Variants in SNX13 observed in about 807,000 individuals in gnomAD.
The protein encoded by SNX13 is sorting nexin 13, also known as sorting nexin-13.
In SNX13, 45 loss-of-function variants were observed where a neutral mutation model predicts 133.6. The observed-to-expected ratio is 0.34, with a 90% CI of 0.27 to 0.43. The LOEUF is 0.43. Among genes scored for constraint, SNX13 ranks in the 20% least tolerant of loss-of-function variants. The probability of loss-of-function intolerance (pLI) is 1.00; values close to 1 mark genes in which losing one functional copy is unlikely to be tolerated. For synonymous variants in SNX13, 414 were observed against 373.9 expected, an observed-to-expected ratio of 1.11 and a Z score of -1.24; for missense variants, 1,032 against 1,145.1, an observed-to-expected ratio of 0.90 and a Z score of 1.43.
intron 11 of SNX13, among the ~76,000 whole-genome samples, chr7:17,848,912 A>G (rs1790876010): frequency 6.6e-6 from 1 of 152,146 alleles, no homozygotes; most frequent in South Asian, 2.1e-4. Flanking sequence ...CTCACTGGCT[A>G]TTTACTCTGT....
At chr7:17,911,307 G>A (rs1363171683) in intron 1 of SNX13, among the ~76,000 whole-genome samples, 1 of 152,090 alleles carries the variant, frequency 6.6e-6, no homozygotes, top group Non-Finnish European at 1.5e-5. Flanking sequence ...AGTACTTAAC[G>A]TTCTCAGCAA....
chr7:17,912,600 G>A (rs897200495), intron 1 of SNX13, among the ~76,000 whole-genome samples: 4 of 152,024 alleles, frequency 2.6e-5, no homozygotes, highest in South Asian at 2.1e-4. Flanking sequence ...TAGTAGAGAC[G>A]GGGTTTACAC....
intron 1 of SNX13, among the ~76,000 whole-genome samples, chr7:17,910,267 G>A (rs974452128): frequency 2.0e-5 from 3 of 152,118 alleles, no homozygotes; most frequent in Non-Finnish European, 4.4e-5. Flanking sequence ...ATTCACCTCA[G>A]TTTGAATGAA....
At chr7:17,919,231 C>T (rs1799873471) in intron 1 of SNX13, among the ~76,000 whole-genome samples, 1 of 152,136 alleles carries the variant, frequency 6.6e-6, no homozygotes, top group Non-Finnish European at 1.5e-5. Flanking sequence ...CATTTATCCC[C>T]TGAACTTAAA....
intron 1 of SNX13, among the ~76,000 whole-genome samples, chr7:17,932,563 G>C (rs1801512015): frequency 1.3e-5 from 2 of 152,216 alleles, no homozygotes; most frequent in South Asian, 4.1e-4. Context: ...GGCCTACTAA[G>C]TATCAAGCTC....
At chr7:17,892,443 TA>T (rs2127993844) in intron 3 of SNX13, among the ~76,000 whole-genome samples, 1 of 151,404 alleles carries the variant, frequency 6.6e-6, no homozygotes, top group Admixed American at 6.6e-5. Flanking sequence ...TGAAGTACAC[TA>T]TAAATAGCTA....
At chr7:17,886,495 G>A (rs1281085334) in intron 5 of SNX13, among the ~76,000 whole-genome samples, 2 of 151,930 alleles carry the variant, frequency 1.3e-5, no homozygotes, top group East Asian at 3.9e-4. Flanking sequence ...TTGAACCTGG[G>A]ATGCAGAGGT....
At chr7:17,866,778 A>C (rs925916968) in intron 9 of SNX13, among the ~76,000 whole-genome samples, 1 of 152,204 alleles carries the variant, frequency 6.6e-6, no homozygotes, top group African/African-American at 2.4e-5. Flanking sequence ...AAAGAGTAAG[A>C]TCTACCATTC....
intron 1 of SNX13, among the ~76,000 whole-genome samples, chr7:17,937,005 AAAAAT>A (rs796285866): frequency 2.1e-5 from 3 of 145,122 alleles, no homozygotes; most frequent in Admixed American, 6.9e-5. Flanking sequence ...TAACATTAAA[AAAAAT>A]AAAATAAAAT....
chr7:17,810,381 A>T (rs1562676487), intron 20 of SNX13, among the ~76,000 whole-genome samples: 1 of 152,168 alleles, frequency 6.6e-6, no homozygotes, highest in Non-Finnish European at 1.5e-5. Context: ...GAAACAGAAA[A>T]ATTCCTAGAC....
intron 1 of SNX13, among the ~76,000 whole-genome samples, chr7:17,917,479 C>T (rs528037473): frequency 6.6e-6 from 1 of 152,044 alleles, no homozygotes; most frequent in South Asian, 2.1e-4. Context: ...ATACAAAAAT[C>T]AATATTATTT....
chr7:17,886,000 G>A (rs1295596418), intron 5 of SNX13, among the ~76,000 whole-genome samples: 5 of 151,856 alleles, frequency 3.3e-5, no homozygotes, highest in Non-Finnish European at 7.4e-5. Flanking sequence ...AATATAAAAT[G>A]GTAAAACAAA....
At chr7:17,877,039 C>CT (rs72100600) in intron 5 of SNX13, among the ~76,000 whole-genome samples, 1 of 73,082 alleles carries the variant, frequency 1.4e-5, no homozygotes, top group Non-Finnish European at 2.5e-5. Flanking sequence ...ATTACTGTTA[C>CT]TTTTTGAAAA....
rs1794651814 is a variant in SNX13 at position 17,875,697 on chromosome 7, T to C, written c.534A>G (p.Lys178=). 6.2e-7 allele frequency: 1 copy of C among 1,611,236 alleles called. No individual in the cohort carries two copies. Among genetic ancestry groups the C allele is most frequent in the South Asian group, 1.1e-5 (1 of 90,768 alleles). Residue 178 remains lysine (K), a synonymous_variant, in exon 6 of 26, where the codon AAA becomes AAG. Coordinates refer to ENST00000428135, the MANE Select transcript of SNX13 (RefSeq NM_015132.5). The part of the protein sequence containing the change: ...HLRVFRKAQQ[K]ITEKDDQVKG... ...TCACTTGATCATCTTTCTCTGTTAT[T>C]TTCTGTTGAGCCTTTCTGAATACTC...
In SNX13 at chr7:17,851,720, G is replaced by A. The variant is rs560460676; in HGVS notation, c.838-756C>T. ...TTAAGAGATGCAGCATTTGCCGGGC[G>A]GGGGGGGCGGGGAGTCGGGGAGGCA... On this transcript the variant is annotated intron_variant, in intron 9 of 25. Coordinates refer to ENST00000428135, the MANE Select transcript of SNX13 (RefSeq NM_015132.5). 1.1e-3 allele frequency among the ~76,000 whole-genome samples: 169 copies of A among 150,826 alleles called. 1 individual carries two copies. The highest frequency in any genetic ancestry group is 3.2e-3 in the South Asian group (15 of 4,752).
rs568847317 is a variant in SNX13, at chr7:17,933,113, A to G, written c.12+7171T>C. Among the ~76,000 whole-genome samples, 22 of 152,366 alleles carry G rather than the reference A, an allele frequency of 1.4e-4. No homozygotes were observed. In the South Asian group the frequency reaches 4.3e-3, roughly 30 times the overall value. ...AAAAGCCTTATAAACATTATCCTTA[A>G]TAACAGCTTTTCAAGGATTTACCAA... On this transcript the variant is annotated intron_variant, in intron 1 of 25. Coordinates refer to ENST00000428135, the MANE Select transcript of SNX13 (RefSeq NM_015132.5).
intron 13 of SNX13, among the ~76,000 whole-genome samples, chr7:17,835,222 A>G (rs918114899): frequency 6.6e-6 from 1 of 151,894 alleles, no homozygotes; most frequent in African/African-American, 2.4e-5. Context: ...GATATATACC[A>G]TAGTGTCTGG....
intron 15 of SNX13, among the ~76,000 whole-genome samples, chr7:17,832,678 C>G (rs976261020): frequency 9.3e-5 from 14 of 151,304 alleles, no homozygotes; most frequent in African/African-American, 3.4e-4. Context: ...TTTTACCATT[C>G]AACTCAGAGA....
chr7:17,866,805 G>A (rs1793451523), intron 9 of SNX13, among the ~76,000 whole-genome samples: 1 of 152,102 alleles, frequency 6.6e-6, no homozygotes, highest in Non-Finnish European at 1.5e-5. Context: ...ACAACAGGGT[G>A]GCTACAGTTA....
Sources: gnomAD v4.1 joint callset for allele counts (sites outside exome capture counted in the v4.1 genomes callset) on GRCh38, gnomAD v4.1.1 for gene constraint, MANE v1.5 for transcripts, NCBI Gene and HGNC (gene_info 2026-07-23, HGNC 2026-07-21) for gene names.